TPH2: variants seen among roughly 807,000 people sequenced by gnomAD.
The protein encoded by TPH2 is tryptophan 5-hydroxylase 2.
A neutral mutation model predicts 59.1 loss-of-function variants in TPH2; 27 were observed. That is an observed-to-expected ratio of 0.46 (90% CI 0.34 to 0.63). TPH2 has a LOEUF of 0.63. TPH2 is among the 30% of genes least tolerant of loss of function. The pLI, the probability that TPH2 is intolerant of heterozygous loss-of-function variation, is 0.01. For synonymous variants in TPH2, 220 were observed against 210.5 expected, an observed-to-expected ratio of 1.05 and a Z score of -0.39; for missense variants, 523 against 588.3, an observed-to-expected ratio of 0.89 and a Z score of 1.15.
At chr12:72,025,699 G>A (rs1202243565) in intron 9 of TPH2, among the ~76,000 whole-genome samples, 1 of 152,000 alleles carries the variant, frequency 6.6e-6, no homozygotes, top group African/African-American at 2.4e-5. Context: ...ATTTGGGTGG[G>A]GCTTTTCCAT....
rs558949565 is a variant in TPH2 at position 71,980,842 on chromosome 12, C to T, written c.941+1755C>T. Among the ~76,000 whole-genome samples the T allele has an allele frequency of 3.9e-5, 6 of 152,322 alleles. No homozygotes were observed. In the South Asian group the frequency reaches 1.2e-3, roughly 32 times the overall value. ...AATGTGTTACATTTTTACCAAAGTA[C>T]TTTCGGCCAATTCACTCAGCAAACA... On this transcript the variant is annotated intron_variant, in intron 7 of 10. Transcript: ENST00000333850.
rs148404091 is a variant in TPH2 at position 72,016,819 on chromosome 12, T to A, written c.1069-5580T>A. Among the ~76,000 whole-genome samples the A allele has an allele frequency of 2.6e-5, 4 of 152,270 alleles. 1 individual carries two copies. In the East Asian group the frequency reaches 7.7e-4, roughly 29 times the overall value. On this transcript the variant is annotated intron_variant, in intron 8 of 10. Transcript: ENST00000333850. ...GTGTAAGCCAATATCCTGGAGGAAG[T>A]GAAAGAAGTAGGCAACTCGGGCTTC...
intron 1 of TPH2, among the ~76,000 whole-genome samples, chr12:71,940,204 T>C (rs1208355096): frequency 1.3e-5 from 2 of 152,176 alleles, no homozygotes; most frequent in African/African-American, 2.4e-5. Flanking sequence ...GACCCTTTTA[T>C]ATAAAAAATG....
At position 71,941,629 on chromosome 12, in the gene TPH2, G is replaced by A. The variant is rs758541559; in HGVS notation, c.151G>A (p.Gly51Arg). Residue 51 changes from glycine (G) to arginine (R), a missense_variant, in exon 2 of 11, where the codon GGA becomes AGA. By Grantham distance (125) the Gly-to-Arg change is moderately radical (BLOSUM62 -2). Transcript: ENST00000333850. ...SGKNDDKGNK[G>R]SSKREAATES... Reference sequence around the variant, plus strand: ...CAAAAATGACGACAAAGGCAACAAGGGAAGCAGCAAACGTGAAGCTGCTAC... The same window carrying A: ...CAAAAATGACGACAAAGGCAACAAGAGAAGCAGCAAACGTGAAGCTGCTAC... 1 of 1,614,038 alleles carries A rather than the reference G, an allele frequency of 6.2e-7. No individual in the cohort carries two copies.
At chr12:71,991,698 G>C (rs1872581763) in intron 7 of TPH2, among the ~76,000 whole-genome samples, 1 of 152,084 alleles carries the variant, frequency 6.6e-6, no homozygotes, top group African/African-American at 2.4e-5. Flanking sequence ...AGTCCATAGG[G>C]TCCACTCCCG....
At chr12:71,983,325 A>G (rs1041440329) in intron 7 of TPH2, among the ~76,000 whole-genome samples, 2 of 152,130 alleles carry the variant, frequency 1.3e-5, no homozygotes, top group African/African-American at 4.8e-5. Context: ...CCATGCTTTG[A>G]TCAGCTGTGG....
intron 5 of TPH2, among the ~76,000 whole-genome samples, chr12:71,953,265 G>A (rs1283884517): frequency 1.3e-5 from 2 of 152,068 alleles, no homozygotes; most frequent in East Asian, 3.9e-4. Context: ...GTTAAATCAG[G>A]AAAGCACGAA....
intron 5 of TPH2, among the ~76,000 whole-genome samples, chr12:71,970,050 T>C (rs979586707): frequency 6.6e-5 from 10 of 152,202 alleles, no homozygotes; most frequent in Admixed American, 6.5e-5. Context: ...CATAGAAAAA[T>C]GGAAAATTTC....
intron 8 of TPH2, among the ~76,000 whole-genome samples, chr12:72,001,066 G>A (rs1872809719): frequency 6.6e-6 from 1 of 152,202 alleles, no homozygotes; most frequent in South Asian, 2.1e-4. Flanking sequence ...AGACAAAGCT[G>A]TGCATCATCT....
intron 8 of TPH2, among the ~76,000 whole-genome samples, chr12:72,017,200 A>C (rs1873278547): frequency 6.6e-6 from 1 of 152,238 alleles, no homozygotes; most frequent in South Asian, 2.1e-4. Flanking sequence ...GCCACTGCCC[A>C]TTTGGCTAGG....
At chr12:72,006,159 G>T (rs1324202779) in intron 8 of TPH2, among the ~76,000 whole-genome samples, 1 of 152,100 alleles carries the variant, frequency 6.6e-6, no homozygotes, top group African/African-American at 2.4e-5. Flanking sequence ...GCAGGTTTTG[G>T]GGTTAACTTA....
chr12:72,002,211 A>C (rs1158698840), intron 8 of TPH2, among the ~76,000 whole-genome samples: 1 of 152,172 alleles, frequency 6.6e-6, no homozygotes, highest in Non-Finnish European at 1.5e-5. Flanking sequence ...AATATTAGAA[A>C]AAGATAAATG....
chr12:71,993,506 T>C (rs1235457854), intron 7 of TPH2, among the ~76,000 whole-genome samples: 1 of 152,214 alleles, frequency 6.6e-6, no homozygotes, highest in Non-Finnish European at 1.5e-5. Flanking sequence ...TGGCAATGAC[T>C]CAGGAAGGCA....
chr12:71,940,311 T>A (rs753800163), intron 1 of TPH2, among the ~76,000 whole-genome samples: 46 of 152,192 alleles, frequency 3.0e-4, no homozygotes, highest in Non-Finnish European at 5.7e-4. Context: ...AAACATACTG[T>A]CAAATGTCAA....
At chr12:71,966,659 C>A (rs1321643953) in intron 5 of TPH2, among the ~76,000 whole-genome samples, 1 of 152,112 alleles carries the variant, frequency 6.6e-6, no homozygotes, top group Non-Finnish European at 1.5e-5. Context: ...ATTCCCTTAC[C>A]CAATTCTCTG....
chr12:72,018,773 C>G (rs950030219), intron 8 of TPH2, among the ~76,000 whole-genome samples: 13 of 152,162 alleles, frequency 8.5e-5, no homozygotes, highest in African/African-American at 3.1e-4. Context: ...TTCTAGTTTT[C>G]CTCCATTTTA....
intron 8 of TPH2, among the ~76,000 whole-genome samples, chr12:72,012,895 T>A (rs1358370478): frequency 6.6e-6 from 1 of 152,172 alleles, no homozygotes; most frequent in Middle Eastern, 3.2e-3. Context: ...TTGAAAATGC[T>A]CCCAGATAAG....
intron 1 of TPH2, among the ~76,000 whole-genome samples, chr12:71,941,204 A>G (rs1223417563): frequency 6.6e-6 from 1 of 152,230 alleles, no homozygotes; most frequent in Non-Finnish European, 1.5e-5. Flanking sequence ...TAATTAATAT[A>G]GTTTCCATAG....
chr12:71,958,963 A>G (rs1012386098), intron 5 of TPH2, among the ~76,000 whole-genome samples: 1 of 152,148 alleles, frequency 6.6e-6, no homozygotes, highest in Non-Finnish European at 1.5e-5. Context: ...GAGCTTGTGA[A>G]TATTCTACTC....
Sources: allele counts gnomAD v4.1 joint callset (sites outside exome capture counted in the v4.1 genomes callset), GRCh38; gene constraint gnomAD v4.1.1; transcripts MANE v1.5; gene names NCBI Gene and HGNC (gene_info 2026-07-23, HGNC 2026-07-21).